The following XIRP2 variants were observed in gnomAD, a reference collection of about 807,000 sequenced individuals.
XIRP2 encodes the protein xin actin-binding repeat-containing protein 2.
Under a neutral mutation model 277.0 loss-of-function variants are expected in XIRP2, and 236 were observed. The ratio of observed to expected loss-of-function variants is 0.85; its 90% CI spans 0.77 to 0.95. The LOEUF is 0.95. Among genes scored for constraint, XIRP2 ranks in the 40% least tolerant of loss-of-function variants. XIRP2 has a pLI of 0.00. For synonymous variants in XIRP2, 1,490 were observed against 1,416.5 expected (o/e 1.05, Z -1.17); for missense variants, 4,640 against 4,157.5 (o/e 1.12, Z -3.19).
intron 3 of XIRP2, chr2:167,187,227 G>A (rs548602653): frequency 2.0e-6 from 2 of 984,568 alleles, no homozygotes; most frequent in Non-Finnish European, 2.4e-6. Context: ...GCACTATGAG[G>A]CAGAGTGGCC....
intron 2 of XIRP2, among the ~76,000 whole-genome samples, chr2:166,927,209 T>C (rs1343518768): frequency 6.6e-6 from 1 of 152,060 alleles, no homozygotes; most frequent in Admixed American, 6.6e-5. Context: ...GGAAAGACAA[T>C]GGGAACGGAA....
Position 167,021,748 on chromosome 2 carries a change from C to T in XIRP2, c.409-114161C>T, listed in dbSNP as rs189181140. ...GTGGAGGTGGGAGGATCTCATGAGCCCAAGAGATTGAGGCTGTGGTGAGCC... is the reference window on the plus strand; with the variant it reads ...GTGGAGGTGGGAGGATCTCATGAGCTCAAGAGATTGAGGCTGTGGTGAGCC... On this transcript the variant is annotated intron_variant, in intron 2 of 10. Coordinates refer to ENST00000409195, the MANE Select transcript of XIRP2 (RefSeq NM_152381.6). Among the ~76,000 whole-genome samples, 18 of 152,054 alleles carry T rather than the reference C, an allele frequency of 1.2e-4. No homozygotes were observed. In the East Asian group the frequency reaches 2.1e-3, roughly 18 times the overall value.
intron 2 of XIRP2, among the ~76,000 whole-genome samples, chr2:167,036,607 AAAC>A (rs1688513263): frequency 6.6e-6 from 1 of 152,112 alleles, no homozygotes; most frequent in South Asian, 2.1e-4. Flanking sequence ...CTCTCAGATA[AAAC>A]TTTGGACTGA....
intron 2 of XIRP2, among the ~76,000 whole-genome samples, chr2:167,023,773 C>A (rs371211561): frequency 5.9e-5 from 9 of 151,782 alleles, no homozygotes; most frequent in Admixed American, 5.9e-4. Flanking sequence ...TGTAGATATG[C>A]GGCATTATTT....
chr2:167,037,831 A>G (rs992285450), intron 2 of XIRP2, among the ~76,000 whole-genome samples: 1 of 152,080 alleles, frequency 6.6e-6, no homozygotes, highest in African/African-American at 2.4e-5. Context: ...AGCAACTACA[A>G]TAGGCTAAAC....
chr2:167,204,351 G>T (rs2105381837), intron 3 of XIRP2, among the ~76,000 whole-genome samples: 1 of 152,218 alleles, frequency 6.6e-6, no homozygotes, highest in South Asian at 2.1e-4. Context: ...GCATCTCTTT[G>T]TTGTTTGGCT....
chr2:166,910,817 T>G (rs1197917077), intron 2 of XIRP2, among the ~76,000 whole-genome samples: 1 of 152,234 alleles, frequency 6.6e-6, no homozygotes, highest in Admixed American at 6.5e-5. Context: ...GTTGTGTCTT[T>G]GTTCTCATTG....
At chr2:167,057,876 G>A (rs1470942656) in intron 2 of XIRP2, among the ~76,000 whole-genome samples, 1 of 152,070 alleles carries the variant, frequency 6.6e-6, no homozygotes, top group African/African-American at 2.4e-5. Flanking sequence ...TCAATAGGCA[G>A]AGGGGCTTTT....
Position 167,247,636 on chromosome 2 carries a change from CAATTAACTTCAACTGTGTCAGTTAAGAAT to C in XIRP2, c.6248_6276del (p.Leu2083SerfsTer4). The C allele has an allele frequency of 1.2e-6, 2 of 1,613,584 alleles. No homozygotes were observed. The highest frequency in any genetic ancestry group is 2.2e-5 in the South Asian group (2 of 91,068). ...TCTTAGAGATGAATATATGAGCAGACAATTAACTTCAACTGTGTCAGTTAAGAATAATCTAACAACTAAAGAATCAGACA... is the reference window on the plus strand; with the variant it reads ...TCTTAGAGATGAATATATGAGCAGACAATCTAACAACTAAAGAATCAGACA... On this transcript the variant is annotated frameshift_variant, in exon 9 of 11. Transcript: ENST00000409195. LOFTEE classifies it high-confidence loss of function.
intron 2 of XIRP2, among the ~76,000 whole-genome samples, chr2:166,964,573 A>C (rs2105411759): frequency 6.6e-6 from 1 of 151,962 alleles, no homozygotes; most frequent in South Asian, 2.1e-4. Context: ...GTTGAGAATA[A>C]GTTGCTCTTG....
chr2:167,072,736 G>A (rs1689466681), intron 2 of XIRP2, among the ~76,000 whole-genome samples: 1 of 152,074 alleles, frequency 6.6e-6, no homozygotes, highest in Non-Finnish European at 1.5e-5. Flanking sequence ...TATTTACTAT[G>A]GGAACTTTAT....
intron 2 of XIRP2, among the ~76,000 whole-genome samples, chr2:167,048,891 G>C (rs185230651): frequency 6.6e-6 from 1 of 151,824 alleles, no homozygotes; most frequent in African/African-American, 2.4e-5. Context: ...CTTTTTCCTA[G>C]AATCTTGGTG....
chr2:167,141,726 C>T (rs375572739), intron 3 of XIRP2, among the ~76,000 whole-genome samples: 18 of 151,864 alleles, frequency 1.2e-4, no homozygotes, highest in South Asian at 4.2e-4. Flanking sequence ...GCTGGGCTTG[C>T]GGCACATACC....
chr2:166,941,944 A>G (rs902280235), intron 2 of XIRP2, among the ~76,000 whole-genome samples: 1 of 152,210 alleles, frequency 6.6e-6, no homozygotes, highest in Admixed American at 6.5e-5. Context: ...AAACAGCAAT[A>G]TAACGTATTT....
chr2:167,226,705 C>T (rs1334539813), intron 5 of XIRP2, among the ~76,000 whole-genome samples: 2 of 152,116 alleles, frequency 1.3e-5, no homozygotes, highest in Non-Finnish European at 2.9e-5. Flanking sequence ...CCACTCTACC[C>T]AGGCTTCTTT....
At chr2:167,254,272 C>T (rs1462712524) in intron 10 of XIRP2, 107 bp downstream of exon 10, 1 of 1,259,448 alleles carries the variant, frequency 7.9e-7, no homozygotes, top group African/African-American at 1.5e-5. Flanking sequence ...GTTGCTGCGT[C>T]AGTTAACACA....
intron 5 of XIRP2, among the ~76,000 whole-genome samples, chr2:167,236,780 A>G (rs555364472): frequency 1.3e-5 from 2 of 152,204 alleles, no homozygotes; most frequent in East Asian, 1.9e-4. Flanking sequence ...AATTTTATGA[A>G]TTATTGGTGT....
chr2:167,145,313 C>T (rs1303781743), intron 3 of XIRP2, among the ~76,000 whole-genome samples: 1 of 151,980 alleles, frequency 6.6e-6, no homozygotes, highest in East Asian at 1.9e-4. Context: ...AAAAATTTTC[C>T]CCACCAAATG....
chr2:166,994,584 T>A (rs1203756689), intron 2 of XIRP2, among the ~76,000 whole-genome samples: 3 of 143,984 alleles, frequency 2.1e-5, no homozygotes, highest in Non-Finnish European at 4.5e-5. Context: ...TGTCTTCAAA[T>A]TACAATATGG....
Sources: allele counts gnomAD v4.1 joint callset (sites outside exome capture counted in the v4.1 genomes callset), GRCh38; gene constraint gnomAD v4.1.1; transcripts MANE v1.5; gene names NCBI Gene and HGNC (gene_info 2026-07-23, HGNC 2026-07-21).